Variants in ASPRV1 observed in about 807,000 individuals in gnomAD.
ASPRV1 encodes retroviral-like aspartic protease 1.
ASPRV1 carries 7 observed loss-of-function variants against 11.0 expected under a neutral mutation model. The ratio of observed to expected loss-of-function variants is 0.64; its 90% CI spans 0.36 to 1.20. The LOEUF (loss-of-function observed/expected upper bound fraction) is 1.20. Ranked by LOEUF, ASPRV1 falls within the 50% of genes most tolerant of loss-of-function variation. ASPRV1 has a pLI of 0.02. For missense variants in ASPRV1, 299 were observed against 320.0 expected (o/e 0.93, Z 0.50); for synonymous variants, 136 against 138.4 (o/e 0.98, Z 0.12).
the ASPRV1 span, among the ~76,000 whole-genome samples, chr2:69,953,169 T>C: frequency 6.6e-6 from 1 of 152,260 alleles, no homozygotes; most frequent in Non-Finnish European, 1.5e-5. Context: ...GACACTTTTC[T>C]TCCCCATCTT....
the ASPRV1 span, among the ~76,000 whole-genome samples, chr2:70,068,946 C>CAAA: frequency 2.4e-3 from 139 of 58,696 alleles, no homozygotes; most frequent in African/African-American, 3.0e-3. Context: ...ACTCTTGTCT[C>CAAA]AAAAAAAAAA....
the ASPRV1 span, among the ~76,000 whole-genome samples, chr2:70,006,551 G>C: frequency 2.0e-4 from 30 of 152,190 alleles, no homozygotes; most frequent in Non-Finnish European, 4.0e-4. Flanking sequence ...TCGGTTAGAG[G>C]GCATAAGAGG....
the ASPRV1 span, chr2:69,971,183 T>C: frequency 6.6e-6 from 1 of 151,772 alleles, no homozygotes; most frequent in Non-Finnish European, 1.5e-5. Context: ...AAAAAGTTGC[T>C]TTTTTTTACT....
chr2:70,080,549 C>G, the ASPRV1 span, among the ~76,000 whole-genome samples: 1 of 152,012 alleles, frequency 6.6e-6, no homozygotes, highest in Admixed American at 6.6e-5. Flanking sequence ...TTTTATAGGA[C>G]AGAGAGTTAT....
the ASPRV1 span, among the ~76,000 whole-genome samples, chr2:70,047,517 A>G: frequency 1.3e-5 from 2 of 152,174 alleles, no homozygotes; most frequent in African/African-American, 4.8e-5. Flanking sequence ...CCAAAGAAAA[A>G]CACAAAATTG....
chr2:70,077,176 G>C, the ASPRV1 span: 2 of 152,068 alleles, frequency 1.3e-5, no homozygotes, highest in Admixed American at 1.3e-4. Flanking sequence ...ACAGTGCCCG[G>C]TTCATCAAAG....
the ASPRV1 span, among the ~76,000 whole-genome samples, chr2:69,952,982 C>T: frequency 6.6e-6 from 1 of 152,238 alleles, no homozygotes; most frequent in Non-Finnish European, 1.5e-5. Flanking sequence ...CCAGGGCAAC[C>T]TCCCTCCATC....
chr2:70,002,280 GTGC>G, the ASPRV1 span, among the ~76,000 whole-genome samples: 1 of 152,122 alleles, frequency 6.6e-6, no homozygotes. Context: ...GCTATTTCTT[GTGC>G]TGCTGTTTTA....
chr2:70,072,190 G>A, the ASPRV1 span, among the ~76,000 whole-genome samples: 1 of 151,470 alleles, frequency 6.6e-6, no homozygotes, highest in African/African-American at 2.4e-5. Flanking sequence ...GGCCTCAAGT[G>A]ATCCACCCAC....
the ASPRV1 span, chr2:69,938,105 G>A: frequency 3.1e-6 from 5 of 1,613,890 alleles, no homozygotes; most frequent in East Asian, 2.2e-5. Context: ...AGAAGAAATC[G>A]ACGTTGACGT....
At chr2:70,040,554 G>A in the ASPRV1 span, among the ~76,000 whole-genome samples, 7 of 152,192 alleles carry the variant, frequency 4.6e-5, no homozygotes, top group East Asian at 1.9e-4. Context: ...AGCAAATACC[G>A]GCTGGGCACG....
chr2:70,039,628 G>A, the ASPRV1 span, among the ~76,000 whole-genome samples: 1 of 152,110 alleles, frequency 6.6e-6, no homozygotes, highest in African/African-American at 2.4e-5. Context: ...AACAAACTGA[G>A]GATCATATGC....
the ASPRV1 span, among the ~76,000 whole-genome samples, chr2:70,000,319 A>C: frequency 1.3e-4 from 15 of 118,454 alleles, no homozygotes; most frequent in Non-Finnish European, 2.0e-4. Context: ...CCTCATCTCC[A>C]AAAAAAAAAA....
At chr2:69,951,831 AT>A in the ASPRV1 span, among the ~76,000 whole-genome samples, 10 of 151,992 alleles carry the variant, frequency 6.6e-5, no homozygotes, top group African/African-American at 2.4e-4. Flanking sequence ...TTACTTGATG[AT>A]TTTTTTGGTG....
chr2:70,037,218 T>A, the ASPRV1 span, among the ~76,000 whole-genome samples: 20 of 152,216 alleles, frequency 1.3e-4, no homozygotes, highest in Admixed American at 1.2e-3. Flanking sequence ...TCCATCATGA[T>A]AGGTAACCTT....
chr2:70,000,422 AT>A, the ASPRV1 span: 2 of 151,996 alleles, frequency 1.3e-5, no homozygotes, highest in Non-Finnish European at 1.5e-5. Flanking sequence ...TAAGAAAAAA[AT>A]AATATACCAC....
At chr2:70,053,235 G>C in the ASPRV1 span, among the ~76,000 whole-genome samples, 32 of 152,166 alleles carry the variant, frequency 2.1e-4, no homozygotes, top group Middle Eastern at 0.01. Context: ...CCAGGGTTCA[G>C]ATCTATCTGC....
At position 69,961,073 on chromosome 2, in the gene ASPRV1, G is replaced by A. The variant is rs1267964665; in HGVS notation, c.364C>T (p.Pro122Ser). 6.2e-7 allele frequency: 1 copy of A among 1,613,808 alleles called. No homozygotes were observed. The highest frequency in any genetic ancestry group is 1.3e-5 in the African/African-American group (1 of 74,962). Reference protein sequence around the residue: ...YYLKGKIGKVPVRFLVDSGAQ... With the variant: ...YYLKGKIGKVSVRFLVDSGAQ... ...CCAGAGTCCACCAGGAACCTCACGG[G>A]CACTTTGCCAATCTTCCCCTTGAGA... The change falls in exon 1 of 1, where the codon CCC (proline) becomes TCC (serine). Residue 122 changes from proline to serine, a missense_variant. Pro to Ser is a moderately conservative substitution (Grantham distance 74). Coordinates refer to ENST00000320256, the MANE Select transcript of ASPRV1 (RefSeq NM_152792.4).
the ASPRV1 span, among the ~76,000 whole-genome samples, chr2:69,973,308 T>C: frequency 6.6e-6 from 1 of 152,220 alleles, no homozygotes; most frequent in African/African-American, 2.4e-5. Flanking sequence ...AACATGAATG[T>C]TAACTGATAT....
Sources: allele counts gnomAD v4.1 joint callset (sites outside exome capture counted in the v4.1 genomes callset), GRCh38; gene constraint gnomAD v4.1.1; transcripts MANE v1.5; gene names NCBI Gene and HGNC (gene_info 2026-07-23, HGNC 2026-07-21).